Variants in CYYR1 observed in about 807,000 individuals in gnomAD.
CYYR1 encodes the protein cysteine and tyrosine rich 1.
A neutral mutation model predicts 15.2 loss-of-function variants in CYYR1; 14 were observed. That is an observed-to-expected ratio of 0.92 (90% CI 0.61 to 1.44). The LOEUF is 1.44. Among genes scored for constraint, CYYR1 ranks in the 40% most tolerant of loss-of-function variants. The pLI is 0.00. For missense variants in CYYR1, 228 were observed against 209.5 expected (o/e 1.09, Z -0.54); for synonymous variants, 80 against 77.4 (o/e 1.03, Z -0.18).
intron 2 of CYYR1, among the ~76,000 whole-genome samples, chr21:26,497,376 C>A (rs568713185): frequency 5.3e-5 from 8 of 152,052 alleles, no homozygotes; most frequent in African/African-American, 1.9e-4. Flanking sequence ...TAAAATAAGC[C>A]CTTTAACAAG....
At chr21:26,472,914 C>T (rs1039406170) in intron 3 of CYYR1, among the ~76,000 whole-genome samples, 1 of 152,016 alleles carries the variant, frequency 6.6e-6, no homozygotes, top group South Asian at 2.1e-4. Context: ...GTATTTAATG[C>T]TTCGCTACAT....
intron 2 of CYYR1, among the ~76,000 whole-genome samples, chr21:26,539,578 T>G (rs1293582933): frequency 2.6e-5 from 4 of 152,228 alleles, no homozygotes; most frequent in Admixed American, 6.5e-5. Flanking sequence ...ACACCTGCCT[T>G]TAAAGCAGCA....
At chr21:26,470,973 A>G (rs1450808526) in intron 3 of CYYR1, 2 of 152,220 alleles carry the variant, frequency 1.3e-5, no homozygotes, top group Non-Finnish European at 2.9e-5. Flanking sequence ...ACAGCTCTGT[A>G]AATACATCAG....
intron 2 of CYYR1, among the ~76,000 whole-genome samples, chr21:26,517,094 G>A (rs1277900962): frequency 8.8e-6 from 1 of 114,272 alleles, no homozygotes; most frequent in Non-Finnish European, 1.6e-5. Flanking sequence ...CAGCCTGGGC[G>A]ACAGAGCGAG....
At chr21:26,565,830 CCT>C (rs1980576487) in intron 2 of CYYR1, among the ~76,000 whole-genome samples, 2 of 152,194 alleles carry the variant, frequency 1.3e-5, no homozygotes, top group Admixed American at 6.5e-5. Context: ...TTATTCATAA[CCT>C]CTCTTTTTCC....
intron 2 of CYYR1, among the ~76,000 whole-genome samples, chr21:26,514,884 C>T (rs182706758): frequency 3.5e-3 from 535 of 152,302 alleles, no homozygotes; most frequent in Non-Finnish European, 5.8e-3. Context: ...TAAGTGAACC[C>T]AAACCAATTC....
intron 3 of CYYR1, among the ~76,000 whole-genome samples, chr21:26,473,627 C>T (rs1601722435): frequency 6.6e-6 from 1 of 152,288 alleles, no homozygotes; most frequent in South Asian, 2.1e-4. Flanking sequence ...CCTGCCTCCA[C>T]CATGCAACTC....
intron 2 of CYYR1, among the ~76,000 whole-genome samples, chr21:26,499,998 A>C (rs2065458486): frequency 1.3e-5 from 2 of 152,068 alleles, no homozygotes; most frequent in Non-Finnish European, 2.9e-5. Flanking sequence ...AAACAATAGA[A>C]ATTTATTTCT....
At chr21:26,570,748 G>A (rs1364897987) in intron 1 of CYYR1, among the ~76,000 whole-genome samples, 1 of 152,180 alleles carries the variant, frequency 6.6e-6, no homozygotes, top group East Asian at 1.9e-4. Context: ...GACTTCTGTG[G>A]TGTTCCAGCA....
At chr21:26,560,882 T>C (rs909259338) in intron 2 of CYYR1, among the ~76,000 whole-genome samples, 1 of 152,172 alleles carries the variant, frequency 6.6e-6, no homozygotes, top group Non-Finnish European at 1.5e-5. Flanking sequence ...CTGATGTAGA[T>C]CACTAAAAAC....
chr21:26,573,061 C>G lies in CYYR1; in HGVS notation c.-121G>C, dbSNP rs535278986. 7 of 1,568,074 alleles carry G rather than the reference C, an allele frequency of 4.5e-6. No individual in the cohort carries two copies. The highest frequency in any genetic ancestry group is 4.3e-6 in the Non-Finnish European group (5 of 1,159,118). ...CTGAGAGCCGGGTGGAGCAGAGACC[C>G]GGCCATTGCCTAGGGAGCCTTCCAA... On this transcript the variant is annotated 5_prime_UTR_variant, in exon 1 of 4. Coordinates refer to ENST00000652641, the MANE Select transcript of CYYR1 (RefSeq NM_001320768.2).
intron 2 of CYYR1, among the ~76,000 whole-genome samples, chr21:26,555,429 G>A (rs1167240576): frequency 6.6e-6 from 1 of 152,158 alleles, no homozygotes; most frequent in Admixed American, 6.5e-5. Context: ...GCAAAATGCA[G>A]CATAGAGAGA....
At chr21:26,493,895 C>A (rs2065360685) in intron 2 of CYYR1, among the ~76,000 whole-genome samples, 1 of 152,200 alleles carries the variant, frequency 6.6e-6, no homozygotes, top group Admixed American at 6.5e-5. Flanking sequence ...AAACTTTCAG[C>A]ATAATGAGCA....
chr21:26,497,141 G>A (rs529820814), intron 2 of CYYR1, among the ~76,000 whole-genome samples: 1 of 152,202 alleles, frequency 6.6e-6, no homozygotes, highest in South Asian at 2.1e-4. Flanking sequence ...AACTTTCTTA[G>A]TAACTTTGGT....
At chr21:26,478,276 A>C (rs1440276362) in intron 3 of CYYR1, 3 of 1,115,764 alleles carry the variant, frequency 2.7e-6, no homozygotes, top group Non-Finnish European at 3.8e-6. Flanking sequence ...GACACATTAC[A>C]ATCTTAAATA....
rs2064995423 is a variant in CYYR1, at chr21:26,468,553, C to A, written c.416G>T (p.Gly139Val). Residue 139 changes from glycine to valine, a missense_variant, in exon 4 of 4, where the codon GGT becomes GTT. Gly to Val is a moderately radical substitution (Grantham distance 109). Coordinates refer to ENST00000652641, the MANE Select transcript of CYYR1 (RefSeq NM_001320768.2). ...AGGGGGTGGAGAACGCTGTGCTGGACCCTGTGGGGTGGGGGAGTATGGAGG... is the reference window on the plus strand; with the variant it reads ...AGGGGGTGGAGAACGCTGTGCTGGAACCTGTGGGGTGGGGGAGTATGGAGG... ...LPPPYSPTPQ[G>V]PAQRSPPPPY... 1 of 1,613,026 alleles carries A rather than the reference C, an allele frequency of 6.2e-7. No individual in the cohort carries two copies. The highest frequency in any genetic ancestry group is 1.1e-5 in the South Asian group (1 of 91,032).
chr21:26,551,785 CA>C, intron 2 of CYYR1: 1 of 261,092 alleles, frequency 3.8e-6, no homozygotes, highest in South Asian at 4.1e-5. Flanking sequence ...GAAATGACAA[CA>C]AAGGATTTAG....
At chr21:26,537,941 A>C (rs551197019) in intron 2 of CYYR1, among the ~76,000 whole-genome samples, 2 of 152,282 alleles carry the variant, frequency 1.3e-5, no homozygotes, top group East Asian at 3.9e-4. Context: ...CCATGCCTTG[A>C]TCTTGGACTT....
intron 1 of CYYR1, chr21:26,568,695 TAA>T: frequency 6.6e-6 from 1 of 152,270 alleles, no homozygotes; most frequent in Non-Finnish European, 1.5e-5. Flanking sequence ...AAAATATGTG[TAA>T]GCTATGCATC....
Sources: gnomAD v4.1 joint callset for allele counts (sites outside exome capture counted in the v4.1 genomes callset) on GRCh38, gnomAD v4.1.1 for gene constraint, MANE v1.5 for transcripts, NCBI Gene and HGNC (gene_info 2026-07-23, HGNC 2026-07-21) for gene names.